Variants in ROBO1 observed in about 807,000 individuals in gnomAD.
The protein encoded by ROBO1 is roundabout homolog 1.
Under a neutral mutation model 195.9 loss-of-function variants are expected in ROBO1, and 149 were observed. The observed-to-expected ratio is 0.76, with a 90% CI of 0.67 to 0.87. The LOEUF (loss-of-function observed/expected upper bound fraction) is 0.87. ROBO1 is among the 40% of genes least tolerant of loss of function. ROBO1 has a pLI of 0.00. For missense variants in ROBO1, 1,933 were observed against 2,068.3 expected (o/e 0.93, Z 1.27); for synonymous variants, 816 against 733.2 (o/e 1.11, Z -1.82).
At chr3:79,259,230 C>T (rs1019335521) in intron 2 of ROBO1, among the ~76,000 whole-genome samples, 6 of 152,072 alleles carry the variant, frequency 3.9e-5, no homozygotes, top group South Asian at 2.1e-4. Flanking sequence ...CAGCAACTTC[C>T]GCCTCCCGAG....
chr3:79,246,826 G>A (rs1334912950), intron 2 of ROBO1, among the ~76,000 whole-genome samples: 1 of 151,926 alleles, frequency 6.6e-6, no homozygotes, highest in Non-Finnish European at 1.5e-5. Flanking sequence ...TTAAACCAGT[G>A]AATCCATAGA....
chr3:78,955,355 T>C (rs1560044797), intron 3 of ROBO1, among the ~76,000 whole-genome samples: 3 of 152,038 alleles, frequency 2.0e-5, no homozygotes, highest in African/African-American at 7.2e-5. Flanking sequence ...TGAACCTCTC[T>C]CTCCTCCCAA....
intron 2 of ROBO1, among the ~76,000 whole-genome samples, chr3:79,550,948 A>G (rs2107674049): frequency 6.6e-6 from 1 of 152,136 alleles, no homozygotes; most frequent in East Asian, 1.9e-4. Flanking sequence ...GAATGAATTA[A>G]TGTTACCATC....
chr3:79,583,874 T>C (rs1206360733), intron 2 of ROBO1, among the ~76,000 whole-genome samples: 1 of 151,984 alleles, frequency 6.6e-6, no homozygotes, highest in East Asian at 1.9e-4. Flanking sequence ...AATGCACCTT[T>C]CGGAGCAGAG....
intron 1 of ROBO1, among the ~76,000 whole-genome samples, chr3:79,690,936 T>C (rs138764078): frequency 3.3e-5 from 5 of 152,064 alleles, no homozygotes; most frequent in Non-Finnish European, 5.9e-5. Flanking sequence ...ATAGCTACTA[T>C]TTCTAGGCTG....
intron 4 of ROBO1, among the ~76,000 whole-genome samples, chr3:78,897,751 A>T (rs958204401): frequency 6.6e-6 from 1 of 152,144 alleles, no homozygotes; most frequent in Non-Finnish European, 1.5e-5. Flanking sequence ...TAATTCCCAC[A>T]TATCTAAACA....
At chr3:78,751,947 C>T (rs1339246555) in intron 4 of ROBO1, among the ~76,000 whole-genome samples, 2 of 151,954 alleles carry the variant, frequency 1.3e-5, no homozygotes, top group Non-Finnish European at 2.9e-5. Flanking sequence ...TTTTTTTCTA[C>T]TTCCATTGAT....
intron 3 of ROBO1, among the ~76,000 whole-genome samples, chr3:79,051,476 G>A (rs1576614958): frequency 6.6e-6 from 1 of 152,166 alleles, no homozygotes; most frequent in African/African-American, 2.4e-5. Flanking sequence ...TCTACCACAG[G>A]TACAAACAAG....
At chr3:79,260,473 G>A (rs991714500) in intron 2 of ROBO1, among the ~76,000 whole-genome samples, 4 of 152,046 alleles carry the variant, frequency 2.6e-5, no homozygotes, top group Non-Finnish European at 5.9e-5. Context: ...ACCTTTTAGT[G>A]ACACAACCTC....
chr3:78,940,027 CTTAT>C (rs2040048135), intron 3 of ROBO1, among the ~76,000 whole-genome samples: 1 of 152,128 alleles, frequency 6.6e-6, no homozygotes, highest in South Asian at 2.1e-4. Context: ...ACATTCCTAT[CTTAT>C]TTCTGCTTAT....
chr3:79,545,874 T>G (rs886830331), intron 2 of ROBO1, among the ~76,000 whole-genome samples: 3 of 152,146 alleles, frequency 2.0e-5, no homozygotes, highest in African/African-American at 7.2e-5. Context: ...AAGCATAAGA[T>G]AGAAACATCC....
chr3:79,277,678 T>C lies in ROBO1; in HGVS notation c.89-152139A>G, dbSNP rs2031158053. On this transcript the variant is annotated intron_variant, in intron 2 of 30. Transcript: ENST00000464233. The stretch of plus-strand genomic sequence containing the variant: ...AATGCTTGAGGTGATGGATACCCCA[T>C]TTACTCTGAAGTGAATATTATACAT... Among the ~76,000 whole-genome samples the C allele has an allele frequency of 2.0e-5, 3 of 152,012 alleles. No homozygotes were observed. The South Asian group carries it at 6.2e-4, about 31-fold the overall frequency.
At chr3:79,577,525 T>C (rs1306495099) in intron 2 of ROBO1, among the ~76,000 whole-genome samples, 1 of 151,974 alleles carries the variant, frequency 6.6e-6, no homozygotes, top group Non-Finnish European at 1.5e-5. Context: ...ATAAGGTAAA[T>C]ACTGGAAGAA....
At chr3:79,236,716 C>T (rs1239712352) in intron 2 of ROBO1, among the ~76,000 whole-genome samples, 2 of 152,110 alleles carry the variant, frequency 1.3e-5, no homozygotes, top group African/African-American at 4.8e-5. Flanking sequence ...CTGTGGTATG[C>T]ATAAGCTTAA....
intron 4 of ROBO1, among the ~76,000 whole-genome samples, chr3:78,893,542 A>G (rs1438044148): frequency 6.6e-6 from 1 of 152,194 alleles, no homozygotes; most frequent in African/African-American, 2.4e-5. Context: ...AGCACAGACT[A>G]AGACATATTG....
intron 2 of ROBO1, among the ~76,000 whole-genome samples, chr3:79,568,783 CCAAATA>C (rs1943175383): frequency 6.6e-6 from 1 of 151,728 alleles, no homozygotes; most frequent in African/African-American, 2.4e-5. Context: ...CAAACAGTCC[CCAAATA>C]CAAATTATTT....
chr3:78,617,062 C>T (rs989850073), intron 27 of ROBO1, among the ~76,000 whole-genome samples: 7 of 152,058 alleles, frequency 4.6e-5, no homozygotes, highest in African/African-American at 1.7e-4. Context: ...ATGCACATTA[C>T]ATATACCGTC....
At chr3:79,453,087 G>A (rs1251017742) in intron 2 of ROBO1, among the ~76,000 whole-genome samples, 6 of 151,970 alleles carry the variant, frequency 3.9e-5, no homozygotes. Flanking sequence ...GTGGTGGGCA[G>A]GTATCTTAAG....
intron 2 of ROBO1, among the ~76,000 whole-genome samples, chr3:79,269,940 G>C (rs1474020826): frequency 6.6e-6 from 1 of 151,782 alleles, no homozygotes; most frequent in Non-Finnish European, 1.5e-5. Context: ...TACTGAAATA[G>C]ATGTATCCAA....
Sources: allele counts gnomAD v4.1 joint callset (sites outside exome capture counted in the v4.1 genomes callset), GRCh38; gene constraint gnomAD v4.1.1; transcripts MANE v1.5; gene names NCBI Gene and HGNC (gene_info 2026-07-23, HGNC 2026-07-21).